RASSF3: variants seen among roughly 807,000 people sequenced by gnomAD.
RASSF3 encodes ras association domain-containing protein 3.
A neutral mutation model predicts 19.9 loss-of-function variants in RASSF3; 19 were observed. The ratio of observed to expected loss-of-function variants is 0.96; its 90% CI spans 0.67 to 1.40. RASSF3 has a LOEUF of 1.40. Among genes scored for constraint, RASSF3 ranks in the 40% most tolerant of loss-of-function variants. The pLI is 0.00. For synonymous variants in RASSF3, 110 were observed against 104.2 expected (o/e 1.06, Z -0.34); for missense variants, 306 against 289.8 (o/e 1.06, Z -0.41).
At chr12:64,616,620 G>A (rs1592421676) in intron 1 of RASSF3, among the ~76,000 whole-genome samples, 1 of 152,230 alleles carries the variant, frequency 6.6e-6, no homozygotes, top group Non-Finnish European at 1.5e-5. Context: ...AAAGACAGTA[G>A]GATATATGAT....
chr12:64,691,953 C>T (rs1010926649), intron 4 of RASSF3, among the ~76,000 whole-genome samples: 3 of 152,148 alleles, frequency 2.0e-5, no homozygotes, highest in Non-Finnish European at 4.4e-5. Flanking sequence ...GTGTTTGCTA[C>T]TAACAAAAGT....
At chr12:64,576,962 A>C (rs1314644522) in intron 2 of RASSF3, among the ~76,000 whole-genome samples, 1 of 152,188 alleles carries the variant, frequency 6.6e-6, no homozygotes, top group Non-Finnish European at 1.5e-5. Flanking sequence ...AACTATGGAA[A>C]ATATGAGTGC....
chr12:64,694,711 G>A, intron 4 of RASSF3, 52 bp from the exon 5 acceptor site: 6 of 1,604,240 alleles, frequency 3.7e-6, no homozygotes, highest in Non-Finnish European at 5.1e-6. Flanking sequence ...GCATTCCTAA[G>A]TCTAACTGAG....
At chr12:64,622,544 C>T (rs1188707087) in intron 1 of RASSF3, 1 of 519,684 alleles carries the variant, frequency 1.9e-6, no homozygotes, top group South Asian at 1.4e-5. Flanking sequence ...AAAGTAATTG[C>T]GGTTTTTGCC....
chr12:64,675,551 C>T (rs1872867026), intron 1 of RASSF3, among the ~76,000 whole-genome samples: 1 of 152,152 alleles, frequency 6.6e-6, no homozygotes, highest in South Asian at 2.1e-4. Flanking sequence ...AGGGCCTTTT[C>T]TGTCCACAGC....
chr12:64,610,484 C>A (rs556740631), upstream of RASSF3: 254 of 275,524 alleles, frequency 9.2e-4, 1 homozygote, highest in African/African-American at 5.4e-3. Context: ...CAGGAGGGGC[C>A]GGGAGAGCCT....
intron 1 of RASSF3, among the ~76,000 whole-genome samples, chr12:64,658,914 TA>T (rs1872249221): frequency 1.3e-5 from 2 of 151,874 alleles, no homozygotes; most frequent in Non-Finnish European, 2.9e-5. Flanking sequence ...CTACAGAAAA[TA>T]AAAAATTAGC....
intron 1 of RASSF3, among the ~76,000 whole-genome samples, chr12:64,514,824 G>A (rs1868351342): frequency 6.6e-6 from 1 of 152,118 alleles, no homozygotes; most frequent in Non-Finnish European, 1.5e-5. Flanking sequence ...CTGAGAGAAA[G>A]AAACATTAGC....
At chr12:64,682,503 G>C (rs1429297511) in intron 1 of RASSF3, among the ~76,000 whole-genome samples, 2 of 150,990 alleles carry the variant, frequency 1.3e-5, no homozygotes, top group African/African-American at 2.4e-5. Flanking sequence ...GGAGGCGGAG[G>C]TTGCAGTGAG....
chr12:64,587,643 G>A (rs1869835948), intron 2 of RASSF3, among the ~76,000 whole-genome samples: 2 of 152,178 alleles, frequency 1.3e-5, no homozygotes, highest in Admixed American at 1.3e-4. Flanking sequence ...CACTTGCGAG[G>A]TCAGGGACAT....
At chr12:64,515,855 T>C (rs1868360725) in intron 1 of RASSF3, among the ~76,000 whole-genome samples, 1 of 152,118 alleles carries the variant, frequency 6.6e-6, no homozygotes, top group East Asian at 1.9e-4. Context: ...AGACACTCAC[T>C]AGGGCCTTTC....
At chr12:64,683,885 T>C (rs1157680945) in intron 1 of RASSF3, among the ~76,000 whole-genome samples, 2 of 152,096 alleles carry the variant, frequency 1.3e-5, no homozygotes, top group Admixed American at 1.3e-4. Context: ...TTAAAAAATA[T>C]ATCCCCTAGG....
At chr12:64,684,554 C>T (rs1304104517) in intron 1 of RASSF3, among the ~76,000 whole-genome samples, 1 of 151,892 alleles carries the variant, frequency 6.6e-6, no homozygotes, top group Non-Finnish European at 1.5e-5. Flanking sequence ...GCCTCAGCCT[C>T]CCAAGTAGCT....
At chr12:64,579,414 C>T (rs1246117881) in intron 2 of RASSF3, among the ~76,000 whole-genome samples, 2 of 142,210 alleles carry the variant, frequency 1.4e-5, no homozygotes, top group African/African-American at 2.7e-5. Flanking sequence ...TGCCGTGGCG[C>T]GATCTCAGCT....
chr12:64,599,216 C>G (rs1870046221), intron 2 of RASSF3: 1 of 151,994 alleles, frequency 6.6e-6, no homozygotes, highest in African/African-American at 2.4e-5. Flanking sequence ...TCTAGAAGCC[C>G]CTGTAAGACA....
chr12:64,547,326 G>T (rs1228348142), intron 2 of RASSF3, among the ~76,000 whole-genome samples: 1 of 150,414 alleles, frequency 6.6e-6, no homozygotes, highest in Non-Finnish European at 1.5e-5. Context: ...CCAGCACTTT[G>T]GGAGGCTGAG....
intron 1 of RASSF3, among the ~76,000 whole-genome samples, chr12:64,651,855 G>C (rs1189167691): frequency 6.6e-6 from 1 of 151,292 alleles, no homozygotes; most frequent in Non-Finnish European, 1.5e-5. Flanking sequence ...GTAGACATGG[G>C]GTTTCACCAT....
intron 2 of RASSF3, among the ~76,000 whole-genome samples, chr12:64,588,020 G>A (rs777251408): frequency 1.4e-4 from 22 of 152,072 alleles, no homozygotes; most frequent in Non-Finnish European, 2.5e-4. Flanking sequence ...TCCAAGTTTC[G>A]CTCAAATGGT....
chr12:64,605,795 G>A (rs1592415252), upstream of RASSF3, among the ~76,000 whole-genome samples: 1 of 151,306 alleles, frequency 6.6e-6, no homozygotes, highest in East Asian at 2.0e-4. Flanking sequence ...GGCTGAGGCA[G>A]GAGAATCGCT....
Sources: gnomAD v4.1 joint callset for allele counts (sites outside exome capture counted in the v4.1 genomes callset) on GRCh38, gnomAD v4.1.1 for gene constraint, MANE v1.5 for transcripts, NCBI Gene and HGNC (gene_info 2026-07-23, HGNC 2026-07-21) for gene names.